Variants in VPS53 observed in about 807,000 individuals in gnomAD.
VPS53 encodes vacuolar protein sorting-associated protein 53 homolog.
VPS53 carries 70 observed loss-of-function variants against 107.0 expected under a neutral mutation model. That is an observed-to-expected ratio of 0.65 (90% CI 0.54 to 0.80). The LOEUF (loss-of-function observed/expected upper bound fraction) is 0.80. Ranked by LOEUF, VPS53 falls within the 30% of genes least tolerant of loss-of-function variation. The pLI is 0.00. For synonymous variants in VPS53, 409 were observed against 393.3 expected (o/e 1.04, Z -0.47); for missense variants, 917 against 1,049.4 (o/e 0.87, Z 1.74).
intron 4 of VPS53, among the ~76,000 whole-genome samples, chr17:662,628 GC>G (rs1327828573): frequency 1.3e-5 from 2 of 151,776 alleles, no homozygotes; most frequent in Non-Finnish European, 2.9e-5. Context: ...GGCAGAGCTT[GC>G]AGTGAGCCGA....
Position 512,101 on chromosome 17 carries a change from A to G in VPS53, c.*7027T>C, listed in dbSNP as rs1907979776. The stretch of plus-strand genomic sequence containing the variant: ...AAGCTTGATATTACAGTCATGACCT[A>G]AAAAGGCAAAGACCAGATATGCGGA... On this transcript the variant is annotated 3_prime_UTR_variant, in exon 22 of 22. Coordinates refer to ENST00000437048, the MANE Select transcript of VPS53 (RefSeq NM_001128159.3). 1 of 152,204 alleles carries G rather than the reference A, an allele frequency of 6.6e-6. No homozygotes were observed. Among genetic ancestry groups the G allele is most frequent in the Admixed American group, 6.5e-5 (1 of 15,278 alleles). The allele number at this position is 152,204 out of a possible 1,614,324, so 9.4% of individuals were successfully genotyped here.
In VPS53 at chr17:519,021, T is replaced by C. The variant is rs1434005913; in HGVS notation, c.*107A>G. ...AACAACCCACATGTCCCAGGAAGTT[T>C]GAAGACCGACGATGTGAGAGTGCCG... On this transcript the variant is annotated 3_prime_UTR_variant, in exon 22 of 22. Transcript: ENST00000437048. The surrounding 1 kb of genome is among the most constrained non-coding windows in gnomAD (Gnocchi z 5.0). 1.6e-6 allele frequency: 2 copies of C among 1,271,842 alleles called. No individual in the cohort carries two copies. The highest frequency in any genetic ancestry group is 2.1e-6 in the Non-Finnish European group (2 of 949,002). 78.8% of individuals were successfully genotyped at this position (1,271,842 alleles called of 1,614,324 possible).
chr17:653,514 G>C, intron 6 of VPS53, 104 bp from the exon 7 acceptor site: 6 of 1,538,828 alleles, frequency 3.9e-6, no homozygotes, highest in Non-Finnish European at 4.4e-6. Context: ...CAACTCAGCT[G>C]AATCAACGTT....
intron 13 of VPS53, 45 bp downstream of exon 13, chr17:586,225 G>C (rs779304735): frequency 6.3e-7 from 1 of 1,575,450 alleles, no homozygotes; most frequent in Admixed American, 1.7e-5. Flanking sequence ...CATGACCAGA[G>C]CGGCGAGAAA....
intron 4 of VPS53, among the ~76,000 whole-genome samples, chr17:693,479 T>C (rs1053334011): frequency 1.3e-5 from 2 of 152,174 alleles, no homozygotes; most frequent in African/African-American, 4.8e-5. Context: ...CTCAGCATTT[T>C]GGGAGCCCAA....
chr17:682,822 T>G (rs1018457883), intron 4 of VPS53, among the ~76,000 whole-genome samples: 6 of 143,408 alleles, frequency 4.2e-5, no homozygotes, highest in African/African-American at 1.7e-4. Context: ...ACAGAACCTG[T>G]CTCAAAGAGG....
intron 11 of VPS53, among the ~76,000 whole-genome samples, chr17:609,960 T>TA: frequency 6.6e-6 from 1 of 151,950 alleles, no homozygotes; most frequent in Non-Finnish European, 1.5e-5. Flanking sequence ...AAACCGTCTC[T>TA]ACTAAAAATA....
Position 604,515 on chromosome 17 carries a change from T to A in VPS53, c.1117-2619A>T, listed in dbSNP as rs187588688. On this transcript the variant is annotated intron_variant, in intron 11 of 21. Coordinates refer to ENST00000437048, the MANE Select transcript of VPS53 (RefSeq NM_001128159.3). ...TCTGAGGCAGGTGAGCACAGGCCACTCGCTCAGTGTCACCATCTGGGATAG... is the reference window on the plus strand; with the variant it reads ...TCTGAGGCAGGTGAGCACAGGCCACACGCTCAGTGTCACCATCTGGGATAG... Among the ~76,000 whole-genome samples the A allele has an allele frequency of 8.1e-4, 124 of 152,314 alleles. 1 individual carries two copies. The highest frequency in any genetic ancestry group is 3.4e-3 in the Middle Eastern group (1 of 294).
chr17:714,727 T>C lies in VPS53; in HGVS notation c.-18A>G, dbSNP rs762650541. On this transcript the variant is annotated 5_prime_UTR_variant, in exon 1 of 22. Coordinates refer to ENST00000437048, the MANE Select transcript of VPS53 (RefSeq NM_001128159.3). ...TCCATCATTCCGCCACCCGGCCCCC[T>C]GCCGACCCCCGCCGCGAGCCCAACT... 1.1e-5 allele frequency: 18 copies of C among 1,612,158 alleles called. No individual in the cohort carries two copies. The Admixed American group carries it at 2.5e-4, about 22-fold the overall frequency.
chr17:713,711 C>A, intron 1 of VPS53, among the ~76,000 whole-genome samples: 1 of 151,454 alleles, frequency 6.6e-6, no homozygotes, highest in Non-Finnish European at 1.5e-5. Context: ...ATATCATTAG[C>A]CTTAAAAACT....
chr17:694,913 G>A (rs183498594), intron 4 of VPS53, among the ~76,000 whole-genome samples: 47 of 152,192 alleles, frequency 3.1e-4, no homozygotes, highest in Admixed American at 1.3e-3. Flanking sequence ...CTATGTTGCC[G>A]AGGCTGGTCT....
At position 510,652 on chromosome 17, in the gene VPS53, G is replaced by A. The variant is rs145158596; in HGVS notation, c.*8476C>T. On this transcript the variant is annotated 3_prime_UTR_variant, in exon 22 of 22. Transcript: ENST00000437048. ...TTCATCCGATGAGATAATGTATCCA[G>A]GACACAGTAAATACACAGTTACCTT... 6.5e-6 allele frequency: 1 copy of A among 153,486 alleles called. No individual in the cohort carries two copies. Among genetic ancestry groups the A allele is most frequent in the Non-Finnish European group, 1.5e-5 (1 of 68,840 alleles). 9.5% of individuals were successfully genotyped at this position (153,486 alleles called of 1,614,324 possible).
intron 4 of VPS53, among the ~76,000 whole-genome samples, chr17:670,589 G>C (rs894311261): frequency 1.3e-5 from 2 of 152,166 alleles, no homozygotes; most frequent in Admixed American, 6.5e-5. Context: ...AGACAGAGGG[G>C]CTCTGATTCA....
At chr17:542,701 G>A (rs1910791996) in intron 17 of VPS53, among the ~76,000 whole-genome samples, 1 of 151,944 alleles carries the variant, frequency 6.6e-6, no homozygotes, top group Admixed American at 6.6e-5. Context: ...AATCTGACCG[G>A]GCGCGATGGC....
chr17:660,341 C>A (rs749150619), intron 5 of VPS53, among the ~76,000 whole-genome samples: 5 of 152,248 alleles, frequency 3.3e-5, no homozygotes, highest in Admixed American at 1.3e-4. Flanking sequence ...CAGCACACTG[C>A]TGGCACTGAA....
intron 13 of VPS53, among the ~76,000 whole-genome samples, chr17:572,732 C>G (rs1317319947): frequency 6.7e-6 from 1 of 149,472 alleles, no homozygotes; most frequent in Non-Finnish European, 1.5e-5. Flanking sequence ...ACCTTACCCC[C>G]AACCCTGTGC....
At chr17:546,752 G>C (rs568270440) in intron 17 of VPS53, among the ~76,000 whole-genome samples, 2 of 152,194 alleles carry the variant, frequency 1.3e-5, no homozygotes, top group Admixed American at 6.5e-5. Flanking sequence ...CTTACACTTT[G>C]CTGTGGAAAG....
chr17:675,944 G>A (rs753458326), intron 4 of VPS53, among the ~76,000 whole-genome samples: 6 of 151,972 alleles, frequency 3.9e-5, no homozygotes, highest in South Asian at 4.1e-4. Flanking sequence ...CAGAGTCTAC[G>A]ATGCAATACA....
intron 7 of VPS53, 148 bp from the exon 8 acceptor site, chr17:631,776 TAA>T (rs1969972613): frequency 1.6e-6 from 1 of 628,286 alleles, no homozygotes; most frequent in African/African-American, 1.8e-5. Flanking sequence ...ACATACTAGT[TAA>T]GTGACAGGTT....
Sources: gnomAD v4.1 joint callset for allele counts (sites outside exome capture counted in the v4.1 genomes callset) on GRCh38, gnomAD v4.1.1 for gene constraint, Gnocchi (gnomAD v3.1) non-coding constraint, MANE v1.5 for transcripts, NCBI Gene and HGNC (gene_info 2026-07-23, HGNC 2026-07-21) for gene names.